TET3: variants seen among roughly 807,000 people sequenced by gnomAD.
TET3 encodes tet methylcytosine dioxygenase 3.
Under a neutral mutation model 141.4 loss-of-function variants are expected in TET3, and 19 were observed. That is an observed-to-expected ratio of 0.13 (90% CI 0.09 to 0.20). The LOEUF (loss-of-function observed/expected upper bound fraction) is 0.20, where lower values mean the gene tolerates loss of function less well. TET3 is among the 10% of genes least tolerant of loss of function. The pLI is 1.00. For missense variants in TET3, 1,874 were observed against 2,356.9 expected (o/e 0.80, Z 4.24); for synonymous variants, 1,043 against 980.9 (o/e 1.06, Z -1.18).
chr2:74,055,169 G>A (rs1343028393), intron 4 of TET3, among the ~76,000 whole-genome samples: 1 of 152,110 alleles, frequency 6.6e-6, no homozygotes, highest in Non-Finnish European at 1.5e-5. Flanking sequence ...CAGAATGCTA[G>A]GATTACAGGA....
chr2:74,133,837 C>T, the TET3 span, among the ~76,000 whole-genome samples: 4 of 152,234 alleles, frequency 2.6e-5, no homozygotes, highest in South Asian at 8.3e-4. Context: ...TTCTGCCTCC[C>T]GGGTTCAAGC....
intron 10 of TET3, among the ~76,000 whole-genome samples, chr2:74,098,755 G>A (rs1437795666): frequency 6.6e-6 from 1 of 152,088 alleles, no homozygotes; most frequent in Admixed American, 6.5e-5. Flanking sequence ...CACCACGCCA[G>A]GCTAATTTTT....
At chr2:74,115,439 C>A in the TET3 span, among the ~76,000 whole-genome samples, 986 of 152,186 alleles carry the variant, frequency 6.5e-3, 10 homozygotes, top group African/African-American at 0.022. Context: ...TGGGAGACGA[C>A]ACGGAATGAA....
the TET3 span, chr2:74,122,493 A>ATG: frequency 1.5e-5 from 1 of 68,408 alleles, no homozygotes; most frequent in Non-Finnish European, 2.7e-5. Flanking sequence ...ATACATACAT[A>ATG]TATATATATA....
intron 3 of TET3, among the ~76,000 whole-genome samples, chr2:74,030,645 G>A (rs1486157858): frequency 1.3e-5 from 2 of 152,188 alleles, no homozygotes; most frequent in Admixed American, 6.5e-5. Context: ...CAAGACAGAA[G>A]TTGTAAGTTG....
chr2:74,034,366 C>T (rs564583600), intron 3 of TET3, among the ~76,000 whole-genome samples: 1 of 151,824 alleles, frequency 6.6e-6, no homozygotes, highest in East Asian at 1.9e-4. Context: ...ATATTGCCAA[C>T]ATCATTGAAA....
At chr2:74,065,669 C>A (rs1384244565) in intron 4 of TET3, among the ~76,000 whole-genome samples, 1 of 146,004 alleles carries the variant, frequency 6.8e-6, no homozygotes, top group Non-Finnish European at 1.5e-5. Context: ...TTTTTTCTTT[C>A]TTTCTTTCCC....
intron 3 of TET3, among the ~76,000 whole-genome samples, chr2:74,006,278 T>A (rs1192429662): frequency 6.6e-6 from 1 of 152,234 alleles, no homozygotes; most frequent in African/African-American, 2.4e-5. Context: ...GTGAAGGAAC[T>A]AAGCAAGAGA....
At chr2:74,017,336 CCTT>C (rs1685782749) in intron 3 of TET3, among the ~76,000 whole-genome samples, 2 of 152,148 alleles carry the variant, frequency 1.3e-5, no homozygotes, top group African/African-American at 4.8e-5. Flanking sequence ...GCAACTTAGT[CCTT>C]CTATCTGGCT....
the TET3 span, among the ~76,000 whole-genome samples, chr2:74,116,612 G>GA: frequency 6.6e-6 from 1 of 151,452 alleles, no homozygotes; most frequent in African/African-American, 2.4e-5. Flanking sequence ...TTGAACCCAG[G>GA]AGGTGGAGGT....
At chr2:74,061,754 C>T (rs7369615) in intron 4 of TET3, among the ~76,000 whole-genome samples, 1 of 143,542 alleles carries the variant, frequency 7.0e-6, no homozygotes, top group Admixed American at 6.8e-5. Flanking sequence ...GGCGGCCGGG[C>T]AGAGACGCTC....
At chr2:74,064,803 TAATA>T (rs1235277372) in intron 4 of TET3, among the ~76,000 whole-genome samples, 1 of 152,220 alleles carries the variant, frequency 6.6e-6, no homozygotes, top group Non-Finnish European at 1.5e-5. Flanking sequence ...AAAAATTTAT[TAATA>T]AATGGTAAAT....
At chr2:74,039,524 A>C (rs1033814660) in intron 3 of TET3, among the ~76,000 whole-genome samples, 1 of 152,130 alleles carries the variant, frequency 6.6e-6, no homozygotes, top group African/African-American at 2.4e-5. Flanking sequence ...AGTCTGGTCT[A>C]TTGTCAGGCA....
chr2:74,029,996 C>G (rs1686587304), intron 3 of TET3, among the ~76,000 whole-genome samples: 1 of 152,172 alleles, frequency 6.6e-6, no homozygotes, highest in Non-Finnish European at 1.5e-5. Flanking sequence ...GTATCAGTTC[C>G]TAAAGGAACT....
At chr2:74,125,695 A>ATT in the TET3 span, among the ~76,000 whole-genome samples, 4 of 141,754 alleles carry the variant, frequency 2.8e-5, no homozygotes, top group South Asian at 4.2e-4. Context: ...GTATGCTAAA[A>ATT]TTTTTTTTTT....
At chr2:74,135,361 C>A in the TET3 span, 1 of 661,040 alleles carries the variant, frequency 1.5e-6, no homozygotes, top group Non-Finnish European at 2.6e-6. Context: ...AAAGACAAGA[C>A]CCCTTTGGCC....
chr2:74,018,153 G>A (rs953091764), intron 3 of TET3, among the ~76,000 whole-genome samples: 2 of 151,982 alleles, frequency 1.3e-5, no homozygotes, highest in Non-Finnish European at 2.9e-5. Context: ...TTTTAGTAGA[G>A]ACGGGGCTTC....
intron 4 of TET3, among the ~76,000 whole-genome samples, chr2:74,048,651 G>T (rs1033693613): frequency 9.9e-5 from 15 of 152,230 alleles, no homozygotes; most frequent in Admixed American, 3.3e-4. Context: ...TACACAAATG[G>T]AGTTGAAGGC....
At position 74,047,895 on chromosome 2, in the gene TET3, C is replaced by A; in HGVS notation, c.1978C>A (p.Pro660Thr). 6.2e-7 allele frequency: 1 copy of A among 1,613,470 alleles called. No homozygotes were observed. The highest frequency in any genetic ancestry group is 8.5e-7 in the Non-Finnish European group (1 of 1,179,684). Residue 660 changes from proline to threonine, a missense_variant, in exon 4 of 12, where the codon CCA (proline) becomes ACA (threonine). Around this residue, in one of 10 missense-constraint regions of TET3, gnomAD observed 484 missense variants for 462.2 expected, o/e 1.05. Coordinates refer to ENST00000409262, the MANE Select transcript of TET3 (RefSeq NM_001287491.2). ...ACAGGGCTCTGCTGTGCCCCTGCCCCCAGAACCTTCTCTTGCGCTATTTGC... is the reference window on the plus strand; with the variant it reads ...ACAGGGCTCTGCTGTGCCCCTGCCCACAGAACCTTCTCTTGCGCTATTTGC... The part of the protein sequence containing the change: ...ASQGSAVPLP[P>T]EPSLALFAPS...
Sources: allele counts gnomAD v4.1 joint callset (sites outside exome capture counted in the v4.1 genomes callset), GRCh38; gene constraint gnomAD v4.1.1; regional missense constraint gnomAD v4.1.1; transcripts MANE v1.5; gene names NCBI Gene and HGNC (gene_info 2026-07-23, HGNC 2026-07-21).